TMEM132B: variants seen among roughly 807,000 people sequenced by gnomAD.
TMEM132B encodes transmembrane protein 132B.
Under a neutral mutation model 90.8 loss-of-function variants are expected in TMEM132B, and 18 were observed. The observed-to-expected ratio is 0.20, with a 90% CI of 0.14 to 0.29. The LOEUF is 0.29. Among genes scored for constraint, TMEM132B ranks in the 10% least tolerant of loss-of-function variants. The pLI is 1.00. For synonymous variants in TMEM132B, 504 were observed against 523.3 expected (o/e 0.96, Z 0.50); for missense variants, 1,096 against 1,326.8 (o/e 0.83, Z 2.70).
chr12:125,286,804 AGT>A, intron 1 of TMEM132B, among the ~76,000 whole-genome samples: 1 of 151,958 alleles, frequency 6.6e-6, no homozygotes, highest in East Asian at 1.9e-4. Flanking sequence ...CCTGGGTTTA[AGT>A]GCTTCTCCTG....
chr12:125,349,302 A>G lies in TMEM132B; in HGVS notation c.68-150A>G, dbSNP rs114488956. The stretch of plus-strand genomic sequence containing the variant: ...GAAGATCCTGAAGACCATACTTTAT[A>G]TAATTACAGGGCTTTCACTGTGATG... On this transcript the variant is annotated intron_variant, in intron 1 of 8. Coordinates refer to ENST00000682704, the MANE Select transcript of TMEM132B (RefSeq NM_001366854.1). This position sits in a 1 kb window ranked among gnomAD's most constrained non-coding sequence, Gnocchi z 4.1. 2.3e-3 allele frequency: 1,873 copies of G among 814,766 alleles called. 33 individuals are homozygous for G. The African/African-American group carries it at 0.029, about 13-fold the overall frequency. The allele number at this position is 814,766 out of a possible 1,614,324, so 50.5% of individuals were successfully genotyped here.
At chr12:125,333,438 A>G (rs1265774209) in intron 1 of TMEM132B, among the ~76,000 whole-genome samples, 2 of 152,258 alleles carry the variant, frequency 1.3e-5, no homozygotes, top group East Asian at 3.8e-4. Flanking sequence ...CATACGGCAA[A>G]TAGAATTAAT....
chr12:125,242,433 C>T (rs541429258), intron 1 of TMEM132B, among the ~76,000 whole-genome samples: 15 of 152,302 alleles, frequency 9.8e-5, no homozygotes, highest in East Asian at 1.9e-4. Flanking sequence ...ATTTTATCCT[C>T]GAGGAAACTG....
chr12:125,483,738 G>T (rs1882122610), intron 3 of TMEM132B, among the ~76,000 whole-genome samples: 1 of 152,208 alleles, frequency 6.6e-6, no homozygotes, highest in Non-Finnish European at 1.5e-5. Context: ...TAATTTTAAA[G>T]ACCTCAGAGG....
chr12:125,188,528 C>A (rs1957773166), intron 1 of TMEM132B, among the ~76,000 whole-genome samples: 2 of 149,864 alleles, frequency 1.3e-5, no homozygotes, highest in Non-Finnish European at 3.0e-5. Context: ...TAGGATGGTC[C>A]CCCTACCACC....
At chr12:125,640,337 G>C (rs1279552176) in intron 5 of TMEM132B, among the ~76,000 whole-genome samples, 1 of 152,230 alleles carries the variant, frequency 6.6e-6, no homozygotes, top group Non-Finnish European at 1.5e-5. Context: ...GAAAGTGTAT[G>C]TGTGTCGGGC....
intron 4 of TMEM132B, among the ~76,000 whole-genome samples, chr12:125,556,841 G>C (rs1417817533): frequency 6.6e-6 from 1 of 152,082 alleles, no homozygotes; most frequent in Non-Finnish European, 1.5e-5. Flanking sequence ...TGCAAGCTCT[G>C]CCTCCCGGGT....
rs142597358 is a variant in TMEM132B, at chr12:125,557,603, G to A, written c.1294-26248G>A. On this transcript the variant is annotated intron_variant, in intron 4 of 8. Coordinates refer to ENST00000682704, the MANE Select transcript of TMEM132B (RefSeq NM_001366854.1). ...GTTTAGTAGGATGCATTTAAGGAAGGACTGGACACCTTGCTTCAGGATAGC... is the reference window on the plus strand; with the variant it reads ...GTTTAGTAGGATGCATTTAAGGAAGAACTGGACACCTTGCTTCAGGATAGC... Among the ~76,000 whole-genome samples the A allele has an allele frequency of 2.3e-4, 35 of 152,258 alleles. No individual in the cohort carries two copies. The East Asian group carries it at 4.8e-3, about 21-fold the overall frequency.
intron 3 of TMEM132B, among the ~76,000 whole-genome samples, chr12:125,483,952 C>T (rs1052006619): frequency 6.6e-6 from 1 of 152,170 alleles, no homozygotes; most frequent in African/African-American, 2.4e-5. Context: ...AAGGATTAAC[C>T]TAACATGAAC....
intron 1 of TMEM132B, among the ~76,000 whole-genome samples, chr12:125,224,273 T>A (rs1873626970): frequency 6.6e-6 from 1 of 152,252 alleles, no homozygotes; most frequent in Non-Finnish European, 1.5e-5. Flanking sequence ...CATCCCTGTA[T>A]GAGTTTTTGT....
At chr12:125,457,535 G>A (rs1881326548) in intron 3 of TMEM132B, among the ~76,000 whole-genome samples, 1 of 152,184 alleles carries the variant, frequency 6.6e-6, no homozygotes, top group Non-Finnish European at 1.5e-5. Context: ...TAGGGAAACA[G>A]ACAAAATAAA....
chr12:125,502,139 C>T (rs1210553016), intron 3 of TMEM132B, among the ~76,000 whole-genome samples: 2 of 152,188 alleles, frequency 1.3e-5, no homozygotes, highest in Non-Finnish European at 2.9e-5. Flanking sequence ...GCCTGGAACC[C>T]TGATCCTTGT....
In TMEM132B at chr12:125,631,376, A is replaced by G. The variant is rs376315421; in HGVS notation, c.1438-12700A>G. Among the ~76,000 whole-genome samples, 11 of 152,242 alleles carry G rather than the reference A, an allele frequency of 7.2e-5. No individual in the cohort carries two copies. The East Asian group carries it at 1.9e-3, about 27-fold the overall frequency. On this transcript the variant is annotated intron_variant, in intron 5 of 8. Transcript: ENST00000682704. ...TAATTAATATTGTTTCAAATTTTTTAAAGTGTTTTAAGACTTGTTTTGTGA... is the reference window on the plus strand; with the variant it reads ...TAATTAATATTGTTTCAAATTTTTTGAAGTGTTTTAAGACTTGTTTTGTGA...
chr12:125,650,803 A>C lies in TMEM132B; in HGVS notation c.1764A>C (p.Leu588Phe). ...LTQFVAESPD[L>F]GQLTYMLGPD... ...AGTTTGTGGCCGAGTCACCTGACTTAGGGCAGCTGACCTACATGCTGGGCC... is the reference window on the plus strand; with the variant it reads ...AGTTTGTGGCCGAGTCACCTGACTTCGGGCAGCTGACCTACATGCTGGGCC... Residue 588 changes from leucine to phenylalanine, a missense_variant, in exon 7 of 9, where the codon TTA becomes TTC. Coordinates refer to ENST00000682704, the MANE Select transcript of TMEM132B (RefSeq NM_001366854.1). 1.2e-6 allele frequency: 2 copies of C among 1,614,220 alleles called. No individual in the cohort carries two copies.
intron 4 of TMEM132B, among the ~76,000 whole-genome samples, chr12:125,547,273 C>T (rs1884114166): frequency 6.6e-6 from 1 of 152,192 alleles, no homozygotes; most frequent in South Asian, 2.1e-4. Flanking sequence ...TATGAGAGTT[C>T]CAGGTGCTAT....
intron 2 of TMEM132B, among the ~76,000 whole-genome samples, chr12:125,386,691 A>G (rs1357170470): frequency 1.3e-5 from 2 of 152,240 alleles, no homozygotes; most frequent in African/African-American, 4.8e-5. Context: ...AGGGAAGAGC[A>G]AGTGCAAAGA....
rs76285124 is a variant in TMEM132B at position 125,267,541 on chromosome 12, T to C, written c.67+80675T>C. On this transcript the variant is annotated intron_variant, in intron 1 of 8. Coordinates refer to ENST00000682704, the MANE Select transcript of TMEM132B (RefSeq NM_001366854.1). The stretch of plus-strand genomic sequence containing the variant: ...CCATTTTCTGTCACATCCTCTCTCT[T>C]TTTGGTTTGTTCTTCTGATAGGCAC... 7.3e-3 allele frequency among the ~76,000 whole-genome samples: 1,113 copies of C among 152,210 alleles called. 46 individuals carry two copies. The East Asian group carries it at 0.13, about 18-fold the overall frequency.
At chr12:125,535,685 C>T (rs776132093) in intron 4 of TMEM132B, among the ~76,000 whole-genome samples, 12 of 152,196 alleles carry the variant, frequency 7.9e-5, no homozygotes, top group South Asian at 4.1e-4. Context: ...CTGAGACAGA[C>T]AAGGCAAGAG....
chr12:125,489,162 G>A (rs1027908012), intron 3 of TMEM132B, among the ~76,000 whole-genome samples: 2 of 152,114 alleles, frequency 1.3e-5, no homozygotes, highest in Non-Finnish European at 2.9e-5. Flanking sequence ...AAGCTTTTTA[G>A]TTATCCAATC....
Sources: gnomAD v4.1 joint callset for allele counts (sites outside exome capture counted in the v4.1 genomes callset) on GRCh38, gnomAD v4.1.1 for gene constraint, Gnocchi (gnomAD v3.1) non-coding constraint, MANE v1.5 for transcripts, NCBI Gene and HGNC (gene_info 2026-07-23, HGNC 2026-07-21) for gene names.